Variants in UNC13C observed in about 807,000 individuals in gnomAD.
UNC13C encodes unc-13 homolog C, also known as protein unc-13 homolog C.
A neutral mutation model predicts 245.4 loss-of-function variants in UNC13C; 174 were observed. The observed-to-expected ratio is 0.71, with a 90% CI of 0.63 to 0.80. UNC13C has a LOEUF of 0.80. Among genes scored for constraint, UNC13C ranks in the 30% least tolerant of loss-of-function variants. The pLI is 0.00. For synonymous variants in UNC13C, 992 were observed against 895.1 expected (o/e 1.11, Z -1.93); for missense variants, 2,829 against 2,602.9 (o/e 1.09, Z -1.89).
intron 22 of UNC13C, among the ~76,000 whole-genome samples, chr15:54,503,493 C>T (rs1894323369): frequency 6.7e-6 from 1 of 149,418 alleles, no homozygotes; most frequent in Non-Finnish European, 1.5e-5. Context: ...TGCAGTGGCA[C>T]AATCTCCGCT....
At chr15:54,562,515 C>T (rs79642234) in intron 29 of UNC13C, among the ~76,000 whole-genome samples, 2,124 of 152,070 alleles carry the variant, frequency 0.014, 48 homozygotes, top group African/African-American at 0.049. Flanking sequence ...CCGGCCACCA[C>T]TTAATAGCAG....
intron 4 of UNC13C, among the ~76,000 whole-genome samples, chr15:54,163,566 A>G: frequency 6.6e-6 from 1 of 152,118 alleles, no homozygotes; most frequent in South Asian, 2.1e-4. Flanking sequence ...CTTCTTTTTC[A>G]TTACCTTCTT....
At chr15:54,604,040 G>A (rs969219996) in intron 30 of UNC13C, among the ~76,000 whole-genome samples, 9 of 151,994 alleles carry the variant, frequency 5.9e-5, no homozygotes, top group Non-Finnish European at 8.8e-5. Flanking sequence ...CCTGGTACAC[G>A]GTTTTCCAGG....
In UNC13C at chr15:54,000,311, A is replaced by T. The variant is rs187793247; in HGVS notation, c.-256-12337A>T. On this transcript the variant is annotated intron_variant, in intron 1 of 32. Coordinates refer to ENST00000260323, the MANE Select transcript of UNC13C (RefSeq NM_001080534.3). ...TTTTGTGCCCTTAAGCAAGTCAAGT[A>T]ACCTCTCCAAACTTTGATCTACTGA... 3.0e-3 allele frequency among the ~76,000 whole-genome samples: 460 copies of T among 152,202 alleles called. 2 individuals carry two copies. Among genetic ancestry groups the T allele is most frequent in the African/African-American group, 0.01 (436 of 41,554 alleles).
At chr15:54,143,530 G>T in intron 3 of UNC13C, 90 bp from the exon 4 acceptor site, 1 of 972,984 alleles carries the variant, frequency 1.0e-6, no homozygotes, top group Non-Finnish European at 1.6e-6. Context: ...CGTGTGTAGT[G>T]CAGCTGACCT....
At chr15:54,400,497 T>C (rs2040159502) in intron 18 of UNC13C, among the ~76,000 whole-genome samples, 1 of 152,136 alleles carries the variant, frequency 6.6e-6, no homozygotes, top group African/African-American at 2.4e-5. Context: ...TCATAGTCAT[T>C]ACTCTCCATA....
intron 2 of UNC13C, among the ~76,000 whole-genome samples, chr15:54,067,074 T>C (rs1037652886): frequency 1.3e-5 from 2 of 152,158 alleles, no homozygotes; most frequent in African/African-American, 4.8e-5. Flanking sequence ...TTAATGTAAA[T>C]GAGTTTCTTA....
chr15:54,568,862 C>G (rs1024595756), intron 30 of UNC13C, among the ~76,000 whole-genome samples: 3 of 152,056 alleles, frequency 2.0e-5, no homozygotes, highest in African/African-American at 7.2e-5. Flanking sequence ...AAAGATAAAG[C>G]TAAATGTGCT....
At chr15:54,079,751 G>T (rs1898835360) in intron 2 of UNC13C, among the ~76,000 whole-genome samples, 1 of 151,974 alleles carries the variant, frequency 6.6e-6, no homozygotes, top group African/African-American at 2.4e-5. Flanking sequence ...CATGTCATCA[G>T]TAAATAGAAA....
intron 2 of UNC13C, among the ~76,000 whole-genome samples, chr15:54,125,449 T>A (rs7166824): frequency 6.6e-6 from 1 of 151,872 alleles, no homozygotes; most frequent in Non-Finnish European, 1.5e-5. Flanking sequence ...GGCGACAGTG[T>A]GAGATTCCAT....
At chr15:54,378,428 A>G (rs1021187974) in intron 17 of UNC13C, among the ~76,000 whole-genome samples, 4 of 152,118 alleles carry the variant, frequency 2.6e-5, no homozygotes, top group Non-Finnish European at 5.9e-5. Context: ...TTAGTTTATT[A>G]AAATGGTAGT....
chr15:54,125,749 G>T (rs1384743614), intron 2 of UNC13C, among the ~76,000 whole-genome samples: 2 of 151,950 alleles, frequency 1.3e-5, no homozygotes, highest in African/African-American at 4.8e-5. Flanking sequence ...GTTCATTTTT[G>T]ATTGCTTTGT....
chr15:54,004,014 CAAACAAACAAACA>C (rs1185775452), intron 1 of UNC13C, among the ~76,000 whole-genome samples: 3 of 151,976 alleles, frequency 2.0e-5, no homozygotes, highest in Admixed American at 1.3e-4. Flanking sequence ...CCATCTGAAA[CAAACAAACAAACA>C]AAACAAACAA....
At chr15:53,906,027 G>A in the UNC13C span, among the ~76,000 whole-genome samples, 1 of 152,074 alleles carries the variant, frequency 6.6e-6, no homozygotes, top group East Asian at 1.9e-4. Flanking sequence ...GGAACCCTGG[G>A]AGTCCATTAA....
Position 54,012,836 on chromosome 15 carries a change from T to G in UNC13C, c.-68T>G. On this transcript the variant is annotated 5_prime_UTR_variant, in exon 2 of 33. Transcript: ENST00000260323. ...TCTGAACAGTGATGCTTGCCTTGGA[T>G]TTTCAGGTTTTCATCCTGATACTTG... The G allele has an allele frequency of 7.9e-7, 1 of 1,258,228 alleles. No homozygotes were observed. The highest frequency in any genetic ancestry group is 1.5e-5 in the South Asian group (1 of 68,260). The allele number at this position is 1,258,228 out of a possible 1,614,324, so 77.9% of individuals were successfully genotyped here.
intron 7 of UNC13C, among the ~76,000 whole-genome samples, chr15:54,244,283 G>C (rs748148844): frequency 8.5e-5 from 13 of 152,102 alleles, no homozygotes; most frequent in Non-Finnish European, 1.8e-4. Flanking sequence ...GATGGTTGAA[G>C]GTGCATGGTC....
At chr15:54,020,234 A>G (rs1197589524) in intron 2 of UNC13C, among the ~76,000 whole-genome samples, 1 of 151,964 alleles carries the variant, frequency 6.6e-6, no homozygotes, top group Admixed American at 6.6e-5. Flanking sequence ...TGAAAGAGAT[A>G]AAATCAGTCT....
intron 1 of UNC13C, among the ~76,000 whole-genome samples, chr15:53,990,636 T>C (rs551517197): frequency 2.0e-4 from 30 of 152,174 alleles, no homozygotes; most frequent in South Asian, 1.0e-3. Context: ...TTTTATAGTT[T>C]AAGTGGATTC....
rs150651851 is a variant in UNC13C, at chr15:54,569,556, C to CTG, written c.6106+1624_6106+1625dup. On this transcript the variant is annotated intron_variant, in intron 30 of 32. Transcript: ENST00000260323. The stretch of plus-strand genomic sequence containing the variant: ...AGAATCCATGGATATCAAGGGCCGA[C>CTG]TGTGTGTGTGTGTGTGCATACATCT... Among the ~76,000 whole-genome samples, 379 of 150,350 alleles carry CTG rather than the reference C, an allele frequency of 2.5e-3. 1 individual carries two copies. The highest frequency in any genetic ancestry group is 3.8e-3 in the Non-Finnish European group (254 of 67,488).
Sources: allele counts gnomAD v4.1 joint callset (sites outside exome capture counted in the v4.1 genomes callset), GRCh38; gene constraint gnomAD v4.1.1; transcripts MANE v1.5; gene names NCBI Gene and HGNC (gene_info 2026-07-23, HGNC 2026-07-21).